The following ARHGEF26 variants were observed in gnomAD, a reference collection of about 807,000 sequenced individuals.
ARHGEF26 encodes the protein Rho guanine nucleotide exchange factor 26, also known as Rho guanine nucleotide exchange factor (GEF) 26.
Under a neutral mutation model 89.4 loss-of-function variants are expected in ARHGEF26, and 59 were observed. That is an observed-to-expected ratio of 0.66 (90% CI 0.54 to 0.82). ARHGEF26 has a LOEUF of 0.82. Among genes scored for constraint, ARHGEF26 ranks in the 40% least tolerant of loss-of-function variants. The pLI is 0.00. For missense variants in ARHGEF26, 1,234 were observed against 1,085.6 expected (o/e 1.14, Z -1.92); for synonymous variants, 500 against 428.4 (o/e 1.17, Z -2.06).
chr3:154,169,334 T>C (rs1712267180), intron 6 of ARHGEF26, among the ~76,000 whole-genome samples: 1 of 152,012 alleles, frequency 6.6e-6, no homozygotes, highest in Non-Finnish European at 1.5e-5. Context: ...TCAATACTTG[T>C]GGTTTTATGG....
chr3:154,208,081 G>A (rs556427055), intron 9 of ARHGEF26, among the ~76,000 whole-genome samples: 1 of 152,252 alleles, frequency 6.6e-6, no homozygotes, highest in East Asian at 1.9e-4. Context: ...AACATACACT[G>A]GGGCCTATTG....
At chr3:154,143,202 ACTAT>A (rs1719490584) in intron 4 of ARHGEF26, among the ~76,000 whole-genome samples, 1 of 152,214 alleles carries the variant, frequency 6.6e-6, no homozygotes, top group South Asian at 2.1e-4. Flanking sequence ...AAAAAATTGA[ACTAT>A]CTCTTTCTAT....
chr3:154,131,502 A>T (rs746129646), intron 4 of ARHGEF26, among the ~76,000 whole-genome samples: 7 of 152,212 alleles, frequency 4.6e-5, no homozygotes, highest in Admixed American at 2.0e-4. Flanking sequence ...TAATGATCTC[A>T]TGATATGTGT....
At chr3:154,216,406 G>T (rs1210754341) in intron 9 of ARHGEF26, among the ~76,000 whole-genome samples, 2 of 150,634 alleles carry the variant, frequency 1.3e-5, no homozygotes, top group African/African-American at 4.9e-5. Context: ...TTAACTGATG[G>T]CCTTAGCTTG....
chr3:154,218,002 C>A (rs559532613), intron 10 of ARHGEF26, 44 bp downstream of exon 10: 10 of 1,503,552 alleles, frequency 6.7e-6, no homozygotes, highest in African/African-American at 2.8e-5. Context: ...CTATGTTTTT[C>A]TCTAAATAGA....
At chr3:154,150,058 T>TTGTG (rs10616486) in intron 5 of ARHGEF26, among the ~76,000 whole-genome samples, 58 of 147,820 alleles carry the variant, frequency 3.9e-4, no homozygotes, top group Admixed American at 1.0e-3. Context: ...CTGCATATTA[T>TTGTG]TGTGTGTGTG....
At chr3:154,153,382 A>G (rs1174376140) in intron 6 of ARHGEF26, among the ~76,000 whole-genome samples, 5 of 152,150 alleles carry the variant, frequency 3.3e-5, no homozygotes, top group Admixed American at 6.6e-5. Flanking sequence ...AAATCATATA[A>G]TAAACTTTTA....
chr3:154,162,446 T>G (rs190887214), intron 6 of ARHGEF26, among the ~76,000 whole-genome samples: 1 of 152,300 alleles, frequency 6.6e-6, no homozygotes, highest in East Asian at 1.9e-4. Flanking sequence ...CTCCAAAAAC[T>G]TTTCTTATTT....
At chr3:154,141,979 C>T in intron 4 of ARHGEF26, among the ~76,000 whole-genome samples, 1 of 152,140 alleles carries the variant, frequency 6.6e-6, no homozygotes. Flanking sequence ...ACCCAGCCTA[C>T]CCTCCAGGAG....
chr3:154,151,482 A>G (rs528293077), intron 5 of ARHGEF26, among the ~76,000 whole-genome samples: 3 of 152,278 alleles, frequency 2.0e-5, no homozygotes, highest in East Asian at 1.9e-4. Flanking sequence ...TCCATTATTT[A>G]TGGTCCAGAA....
At chr3:154,255,185 C>T in intron 14 of ARHGEF26, 146 bp from the exon 15 acceptor site, 1 of 809,926 alleles carries the variant, frequency 1.2e-6, no homozygotes, top group South Asian at 1.8e-5. Context: ...TTCATTCCCC[C>T]TCGAAAGCTT....
intron 6 of ARHGEF26, among the ~76,000 whole-genome samples, chr3:154,172,812 AG>A (rs1712532873): frequency 6.6e-6 from 1 of 152,200 alleles, no homozygotes; most frequent in Non-Finnish European, 1.5e-5. Flanking sequence ...TAAACATCCA[AG>A]GGTTTTTTTG....
At chr3:154,225,318 A>G (rs931677545) in intron 10 of ARHGEF26, among the ~76,000 whole-genome samples, 2 of 152,206 alleles carry the variant, frequency 1.3e-5, no homozygotes, top group African/African-American at 4.8e-5. Context: ...TCTCAAGAAT[A>G]TGGCTAAATA....
At chr3:154,186,514 A>G (rs1009278006) in intron 6 of ARHGEF26, among the ~76,000 whole-genome samples, 10 of 152,184 alleles carry the variant, frequency 6.6e-5, no homozygotes, top group Admixed American at 2.0e-4. Flanking sequence ...TAATCCCAAC[A>G]CTTCGGGAAG....
At chr3:154,244,931 G>A (rs189042036) in intron 12 of ARHGEF26, among the ~76,000 whole-genome samples, 1 of 152,186 alleles carries the variant, frequency 6.6e-6, no homozygotes, top group East Asian at 1.9e-4. Flanking sequence ...AGTTTGGCTT[G>A]TTCTGGATTT....
At chr3:154,234,763 A>G (rs1248112867) in intron 11 of ARHGEF26, among the ~76,000 whole-genome samples, 1 of 151,786 alleles carries the variant, frequency 6.6e-6, no homozygotes. Flanking sequence ...TAATTTTTTA[A>G]TTTTAATTTT....
chr3:154,230,977 T>C (rs942930892), intron 11 of ARHGEF26, among the ~76,000 whole-genome samples: 3 of 152,164 alleles, frequency 2.0e-5, no homozygotes, highest in African/African-American at 7.2e-5. Flanking sequence ...TTTTGCTTTT[T>C]CCATGAGAAT....
At chr3:154,219,162 T>G (rs949043219) in intron 10 of ARHGEF26, among the ~76,000 whole-genome samples, 2 of 152,232 alleles carry the variant, frequency 1.3e-5, no homozygotes, top group African/African-American at 4.8e-5. Context: ...TCTAATTTGT[T>G]TCTAAATATT....
intron 4 of ARHGEF26, among the ~76,000 whole-genome samples, chr3:154,130,044 T>C (rs1713855): frequency 0.91 from 138,396 of 152,140 alleles, 63,175 homozygotes; most frequent in East Asian, 1. Flanking sequence ...TACATATATA[T>C]GCGTGTGTGT....
Sources: gnomAD v4.1 joint callset for allele counts (sites outside exome capture counted in the v4.1 genomes callset) on GRCh38, gnomAD v4.1.1 for gene constraint, MANE v1.5 for transcripts, NCBI Gene and HGNC (gene_info 2026-07-23, HGNC 2026-07-21) for gene names.